SH2D1B: variants seen among roughly 807,000 people sequenced by gnomAD.
SH2D1B encodes SH2 domain containing 1B.
In SH2D1B, 11 loss-of-function variants were observed where a neutral mutation model predicts 16.3. The ratio of observed to expected loss-of-function variants is 0.67; its 90% confidence interval spans 0.42 to 1.11. The LOEUF is 1.11. SH2D1B is among the 50% of genes most tolerant of loss of function. The probability of loss-of-function intolerance (pLI) is 0.00; values close to 1 mark genes in which losing one functional copy is unlikely to be tolerated. For synonymous variants in SH2D1B, 55 were observed against 56.1 expected, an observed-to-expected ratio of 0.98 and a Z score of 0.09; for missense variants, 123 against 153.1, an observed-to-expected ratio of 0.80 and a Z score of 1.04.
Position 162,397,178 on chromosome 1 carries a change from G to C in SH2D1B, c.*102C>G, listed in dbSNP as rs1648398048. 1 of 1,272,458 alleles carries C rather than the reference G, an allele frequency of 7.9e-7. No individual in the cohort carries two copies. Among genetic ancestry groups the C allele is most frequent in the Non-Finnish European group, 1.1e-6 (1 of 875,840 alleles). The allele number at this position is 1,272,458 out of a possible 1,614,324, so 78.8% of individuals were successfully genotyped here. Reference sequence around the variant, plus strand: ...TTACACAACCAGGAGAGTCTGAATTGTCCACTAGAGTTTGGTGCTCTGGAC... The same window carrying C: ...TTACACAACCAGGAGAGTCTGAATTCTCCACTAGAGTTTGGTGCTCTGGAC... On this transcript the variant is annotated 3_prime_UTR_variant, in exon 4 of 4. Transcript: ENST00000367929.
Position 162,402,784 on chromosome 1 carries a change from G to T in SH2D1B, c.153C>A (p.Tyr51Ter), listed in dbSNP as rs1454395294. The change falls in exon 2 of 4, where the codon TAC becomes TAA. Residue 51 changes from tyrosine to a stop codon, truncating the protein, a stop_gained. Coordinates refer to ENST00000367929, the MANE Select transcript of SH2D1B (RefSeq NM_053282.5). LOFTEE classifies it high-confidence loss of function. The part of the protein sequence containing the change: ...CLCVSFKNIV[Y>*]TYRIFREKHG... The stretch of plus-strand genomic sequence containing the variant: ...GTTTCTCTCTGAAGATTCGGTATGT[G>T]TAGACAATATTTTTAAACCTGTGGA... The T allele has an allele frequency of 1.2e-6, 2 of 1,613,730 alleles. No homozygotes were observed. Among genetic ancestry groups the T allele is most frequent in the Admixed American group, 3.3e-5 (2 of 59,996 alleles).
At chr1:162,407,892 C>T (rs550928337) in intron 1 of SH2D1B, among the ~76,000 whole-genome samples, 14 of 152,294 alleles carry the variant, frequency 9.2e-5, no homozygotes, top group East Asian at 5.8e-4. Flanking sequence ...CTTAGGACCA[C>T]GCATGGAACA....
chr1:162,400,812 G>A (rs1412902997), intron 2 of SH2D1B, among the ~76,000 whole-genome samples: 1 of 151,908 alleles, frequency 6.6e-6, no homozygotes, highest in Non-Finnish European at 1.5e-5. Context: ...AGCTGGGCAT[G>A]GTAGCAGACG....
intron 1 of SH2D1B, among the ~76,000 whole-genome samples, chr1:162,403,503 AAAAAAAAAATATATATATATAT>A (rs1248607215): frequency 0.12 from 5,011 of 40,814 alleles, 355 homozygotes; most frequent in African/African-American, 0.2. Context: ...AAAAAAAAAA[AAAAAAAAAATATATATATATAT>A]ATATATATAT....
At chr1:162,406,189 A>AT (rs1648650091) in intron 1 of SH2D1B, among the ~76,000 whole-genome samples, 1 of 152,180 alleles carries the variant, frequency 6.6e-6, no homozygotes, top group African/African-American at 2.4e-5. Context: ...GTGCATGAAG[A>AT]TTTTTTTAAA....
intron 1 of SH2D1B, among the ~76,000 whole-genome samples, chr1:162,406,187 A>C (rs1007229036): frequency 6.6e-6 from 1 of 152,176 alleles, no homozygotes; most frequent in Non-Finnish European, 1.5e-5. Context: ...GTGTGCATGA[A>C]GATTTTTTTA....
Position 162,397,118 on chromosome 1 carries a change from G to A in SH2D1B, c.*162C>T, listed in dbSNP as rs1414838728. On this transcript the variant is annotated 3_prime_UTR_variant, in exon 4 of 4. Transcript: ENST00000367929. ...TGTCTGGGAGGCGGGGATGTGGAGA[G>A]TGACCTCTGGTGCTGGTGGGCAGAA... The A allele has an allele frequency of 5.9e-6, 4 of 680,226 alleles. No homozygotes were observed. Among genetic ancestry groups the A allele is most frequent in the African/African-American group, 5.4e-5 (3 of 55,274 alleles). The allele number at this position is 680,226 out of a possible 1,614,324, so 42.1% of individuals were successfully genotyped here. A position where few individuals can be genotyped will look rare whatever the true frequency, so the allele number is the denominator to read the frequency against.
rs183607256 is a variant in SH2D1B, at chr1:162,402,477, C to G, written c.198+262G>C. ...AGGTTGCAGTGAGCCGAGATCGCAC[C>G]ACTGCACTCCAGCCTGGACGACAGA... is the stretch of plus-strand genomic sequence containing the variant. On this transcript the variant is annotated intron_variant, in intron 2 of 3. Coordinates refer to ENST00000367929, the MANE Select transcript of SH2D1B (RefSeq NM_053282.5). 1.8e-5 allele frequency: 5 copies of G among 270,648 alleles called. No individual in the cohort carries two copies. In the Admixed American group the frequency reaches 2.0e-4, roughly 11 times the overall value. The allele number at this position is 270,648 out of a possible 1,614,324, so 16.8% of individuals were successfully genotyped here. A position where few individuals can be genotyped will look rare whatever the true frequency, so the allele number is the denominator to read the frequency against.
intron 3 of SH2D1B, among the ~76,000 whole-genome samples, chr1:162,398,226 C>G (rs1648426768): frequency 6.6e-6 from 1 of 152,200 alleles, no homozygotes; most frequent in Admixed American, 6.5e-5. Flanking sequence ...CCACTGATAA[C>G]TGCCATCCCT....
chr1:162,403,501 AAAAAAAAAAAAT>A (rs1338978003), intron 1 of SH2D1B, among the ~76,000 whole-genome samples: 5 of 37,082 alleles, frequency 1.3e-4, no homozygotes, highest in Non-Finnish European at 2.5e-4. Context: ...AAAAAAAAAA[AAAAAAAAAAAAT>A]ATATATATAT....
chr1:162,401,257 A>G (rs186041248), intron 2 of SH2D1B, among the ~76,000 whole-genome samples: 2 of 152,238 alleles, frequency 1.3e-5, no homozygotes, highest in African/African-American at 4.8e-5. Context: ...GTCTCCCTCT[A>G]TTTTGTCCAC....
chr1:162,398,840 TTGTC>T, intron 3 of SH2D1B, 79 bp downstream of exon 3: 1 of 1,419,588 alleles, frequency 7.0e-7, no homozygotes, highest in Non-Finnish European at 9.6e-7. Context: ...AAAAGAGCAT[TTGTC>T]TGTATTGAGT....
At chr1:162,411,454 G>A (rs1295128166) in intron 1 of SH2D1B, among the ~76,000 whole-genome samples, 2 of 152,206 alleles carry the variant, frequency 1.3e-5, no homozygotes, top group African/African-American at 4.8e-5. Flanking sequence ...AAATATGATT[G>A]TATTTATAGT....
At chr1:162,403,010 G>A (rs11589974) in intron 1 of SH2D1B, among the ~76,000 whole-genome samples, 106,227 of 151,124 alleles carry the variant, frequency 0.7, 37,502 homozygotes, top group Non-Finnish European at 0.73. Context: ...CCGGGTTCAA[G>A]CGATTCTCCT....
Position 162,402,786 on chromosome 1 carries a change from A to T in SH2D1B, c.151T>A (p.Tyr51Asn). Residue 51 changes from tyrosine (Y) to asparagine (N), a missense_variant, in exon 2 of 4, where the codon TAC (tyrosine) becomes AAC (asparagine). Physicochemically the swap from Tyr to Asn is moderately radical, Grantham distance 143. Transcript: ENST00000367929. ...TTCTCTCTGAAGATTCGGTATGTGT[A>T]GACAATATTTTTAAACCTGTGGAAA... Reference protein sequence around the residue: ...CLCVSFKNIVYTYRIFREKHG... With the variant: ...CLCVSFKNIVNTYRIFREKHG... 1 of 1,613,938 alleles carries T rather than the reference A, an allele frequency of 6.2e-7. No individual in the cohort carries two copies. Among genetic ancestry groups the T allele is most frequent in the South Asian group, 1.1e-5 (1 of 91,072 alleles).
At chr1:162,411,794 T>A in intron 1 of SH2D1B, 89 bp downstream of exon 1, 1 of 1,552,804 alleles carries the variant, frequency 6.4e-7, no homozygotes, top group Non-Finnish European at 8.8e-7. Flanking sequence ...CAGAGTGAAA[T>A]ACTGAGGGAT....
At chr1:162,400,266 T>TA (rs946865528) in intron 2 of SH2D1B, among the ~76,000 whole-genome samples, 2 of 150,810 alleles carry the variant, frequency 1.3e-5, no homozygotes, top group African/African-American at 2.4e-5. Context: ...GTTTTCTGTT[T>TA]ACCAGCTATA....
intron 2 of SH2D1B, 101 bp from the exon 3 acceptor site, chr1:162,399,188 G>T: frequency 1.7e-6 from 2 of 1,183,850 alleles, no homozygotes; most frequent in Non-Finnish European, 2.4e-6. Context: ...CCTTCTATGA[G>T]CTGAAAAACT....
At chr1:162,410,962 T>G (rs1648780939) in intron 1 of SH2D1B, among the ~76,000 whole-genome samples, 1 of 150,536 alleles carries the variant, frequency 6.6e-6, no homozygotes, top group Non-Finnish European at 1.5e-5. Flanking sequence ...AGCCACTCTT[T>G]TTTCTTTTTT....
Sources: gnomAD v4.1 joint callset for allele counts (sites outside exome capture counted in the v4.1 genomes callset) on GRCh38, gnomAD v4.1.1 for gene constraint, MANE v1.5 for transcripts, NCBI Gene and HGNC (gene_info 2026-07-23, HGNC 2026-07-21) for gene names.